The following ASL variants were observed in gnomAD, a reference collection of about 807,000 sequenced individuals.
The protein encoded by ASL is argininosuccinate lyase.
ASL carries 51 observed loss-of-function variants against 69.1 expected under a neutral mutation model. The ratio of observed to expected loss-of-function variants is 0.74; its 90% confidence interval spans 0.59 to 0.93. ASL has a LOEUF of 0.93. Ranked by LOEUF, ASL falls within the 40% of genes least tolerant of loss-of-function variation. The pLI is 0.00. For missense variants in ASL, 540 were observed against 623.9 expected, an observed-to-expected ratio of 0.87 and a Z score of 1.43; for synonymous variants, 241 against 247.6, an observed-to-expected ratio of 0.97 and a Z score of 0.25.
At position 66,076,075 on chromosome 7, in the gene ASL, G is replaced by A. The variant is rs756883050; in HGVS notation, c.-7G>A. 1 of 1,599,776 alleles carries A rather than the reference G, an allele frequency of 6.3e-7. No individual in the cohort carries two copies. Among genetic ancestry groups the A allele is most frequent in the Non-Finnish European group, 8.5e-7 (1 of 1,173,796 alleles). On this transcript the variant is annotated 5_prime_UTR_variant, in exon 2 of 17. Transcript: ENST00000304874. Reference sequence around the variant, plus strand: ...CGAAGCTTCCGGACGACGAGGAACCGCCCAACATGGCCTCGGAGGTGAGTG... The same window carrying A: ...CGAAGCTTCCGGACGACGAGGAACCACCCAACATGGCCTCGGAGGTGAGTG...
chr7:66,087,752 C>CT lies in ASL; in HGVS notation c.680dup (p.Asn228GlnfsTer7). On this transcript the variant is annotated frameshift_variant, in exon 10 of 17. Transcript: ENST00000304874. LOFTEE classifies it high-confidence loss of function. ...AGAACTCAACTTTGGGGCCATCACT[C>CT]TCAACAGCATGGATGCCACTAGTGA... 1 of 1,614,160 alleles carries CT rather than the reference C, an allele frequency of 6.2e-7. No individual in the cohort carries two copies. The highest frequency in any genetic ancestry group is 8.5e-7 in the Non-Finnish European group (1 of 1,180,028).
At chr7:66,082,056 C>T in intron 3 of ASL, 59 bp downstream of exon 3, 3 of 1,550,242 alleles carry the variant, frequency 1.9e-6, no homozygotes, top group Admixed American at 1.9e-5. Flanking sequence ...CAGGCTCCCA[C>T]CAAATCCCTG....
At chr7:66,084,012 A>G (rs1786587933) in intron 6 of ASL, among the ~76,000 whole-genome samples, 1 of 151,886 alleles carries the variant, frequency 6.6e-6, no homozygotes, top group Non-Finnish European at 1.5e-5. Context: ...CTCTTCCTCA[A>G]CTCCCTGTGA....
chr7:66,084,075 C>T (rs1237972138), intron 6 of ASL, among the ~76,000 whole-genome samples: 1 of 152,078 alleles, frequency 6.6e-6, no homozygotes, highest in East Asian at 1.9e-4. Flanking sequence ...TGTCACCCAG[C>T]AGGTGGTGTG....
intron 3 of ASL, 134 bp from the exon 4 acceptor site, chr7:66,082,234 C>T: frequency 9.1e-7 from 1 of 1,101,652 alleles, no homozygotes; most frequent in Non-Finnish European, 1.3e-6. Flanking sequence ...TGCCCCCTCC[C>T]AGGGTGCGCT....
At chr7:66,080,736 C>G (rs546998795) in intron 2 of ASL, among the ~76,000 whole-genome samples, 1 of 152,210 alleles carries the variant, frequency 6.6e-6, no homozygotes, top group African/African-American at 2.4e-5. Flanking sequence ...AGAAAACGAA[C>G]AAAACATAGA....
chr7:66,092,950 G>A lies in ASL; in HGVS notation c.*38G>A, dbSNP rs985737815. ...CTGCCCCCTAATAAAGTGGGCGCGA[G>A]AGGAGGCTGCTGTGTGTTTCCTGCC... On this transcript the variant is annotated 3_prime_UTR_variant, in exon 17 of 17. Coordinates refer to ENST00000304874, the MANE Select transcript of ASL (RefSeq NM_000048.4). The A allele has an allele frequency of 1.9e-6, 3 of 1,576,072 alleles. No individual in the cohort carries two copies. The highest frequency in any genetic ancestry group is 2.7e-5 in the African/African-American group (2 of 74,226).
rs1361092594 is a variant in ASL at position 66,091,083 on chromosome 7, G to T, written c.1063-923G>T. Among the ~76,000 whole-genome samples, 3 of 134,606 alleles carry T rather than the reference G, an allele frequency of 2.2e-5. No homozygotes were observed. In the Admixed American group the frequency reaches 2.5e-4, roughly 11 times the overall value. 88.3% of individuals were successfully genotyped at this position (134,606 alleles called of 152,430 possible). ...ACTGCGCTCCAGCCTGTGTGACAGT[G>T]CAAGACTCCATCTCAAAAAAAAAAA... On this transcript the variant is annotated intron_variant, in intron 14 of 16. Coordinates refer to ENST00000304874, the MANE Select transcript of ASL (RefSeq NM_000048.4).
Position 66,087,335 on chromosome 7 carries a change from G to T in ASL, c.604G>T (p.Gly202Trp), listed in dbSNP as rs1403973745. 6.2e-7 allele frequency: 1 copy of T among 1,604,634 alleles called. No homozygotes were observed. The change falls in exon 9 of 17, where the codon GGG (glycine) becomes TGG (tryptophan). Residue 202 changes from glycine to tryptophan, a missense_variant and splice_region_variant. By Grantham distance (184) the Gly-to-Trp change is radical. Transcript: ENST00000304874. ...CACCATGAATCCCTGTCCCTGCAGT[G>T]GGGCCATTGCAGGCAATCCCCTGGG... ...KRINVLPLGSGAIAGNPLGVD... is the reference protein window; with the variant it reads ...KRINVLPLGSWAIAGNPLGVD...
chr7:66,088,469 G>A (rs970473437), intron 10 of ASL, among the ~76,000 whole-genome samples: 3 of 152,114 alleles, frequency 2.0e-5, no homozygotes, highest in African/African-American at 4.8e-5. Flanking sequence ...CATTGGGAGC[G>A]AGACTCCATC....
At position 66,089,141 on chromosome 7, in the gene ASL, T is replaced by C. The variant is rs1369337876; in HGVS notation, c.884T>C (p.Leu295Pro). 1 of 1,613,916 alleles carries C rather than the reference T, an allele frequency of 6.2e-7. No homozygotes were observed. Among genetic ancestry groups the C allele is most frequent in the Non-Finnish European group, 8.5e-7 (1 of 1,179,936 alleles). ...PQKKNPDSLE[L>P]IRSKAGRVFG... The stretch of plus-strand genomic sequence containing the variant: ...AAGAAAAACCCCGACAGTTTGGAGC[T>C]GATCCGGAGCAAGGCTGGGCGTGTG... The change falls in exon 12 of 17, where the codon CTG becomes CCG. Residue 295 changes from leucine to proline, a missense_variant. Transcript: ENST00000304874.
At chr7:66,085,980 C>T (rs944247495) in intron 6 of ASL, among the ~76,000 whole-genome samples, 1 of 152,066 alleles carries the variant, frequency 6.6e-6, no homozygotes, top group Non-Finnish European at 1.5e-5. Context: ...CCCAGCTACT[C>T]AGGAGGCTGA....
intron 2 of ASL, among the ~76,000 whole-genome samples, chr7:66,078,967 T>C (rs1342691852): frequency 1.3e-5 from 2 of 152,128 alleles, no homozygotes; most frequent in Non-Finnish European, 2.9e-5. Flanking sequence ...TGGAGTGCAG[T>C]GGCACGATCT....
chr7:66,083,962 G>A (rs1786586757), intron 6 of ASL, among the ~76,000 whole-genome samples: 1 of 152,170 alleles, frequency 6.6e-6, no homozygotes, highest in African/African-American at 2.4e-5. Flanking sequence ...CCTGGACGAA[G>A]AGCTGCTGAG....
rs60055215 is a variant in ASL, at chr7:66,087,243, CGTGTGTGTGTGTGTGTGTGTGT to C, written c.603-72_603-51del. The C allele has an allele frequency of 1.7e-5, 17 of 976,822 alleles. No individual in the cohort carries two copies. In the Admixed American group the frequency reaches 1.9e-4, roughly 11 times the overall value. 60.5% of individuals were successfully genotyped at this position (976,822 alleles called of 1,614,324 possible). ...GGACTTGGTTCTCTGTGTGTGCGTT[CGTGTGTGTGTGTGTGTGTGTGT>C]GTGTGTGTGTGTGTGTGTCAGGGCT... On this transcript the variant is annotated intron_variant, in intron 8 of 16. Transcript: ENST00000304874.
In ASL at chr7:66,089,078, C is replaced by T. The variant is rs984259237; in HGVS notation, c.834-13C>T. 1.4e-5 allele frequency: 23 copies of T among 1,613,696 alleles called. No individual in the cohort carries two copies. The highest frequency in any genetic ancestry group is 1.9e-5 in the Non-Finnish European group (23 of 1,179,948). On this transcript the variant is annotated splice_polypyrimidine_tract_variant and intron_variant, in intron 11 of 16. Coordinates refer to ENST00000304874, the MANE Select transcript of ASL (RefSeq NM_000048.4). ...GGGTCCAGCCCCTTCAGCGCCAGCA[C>T]CTCTGTCCCCAGCACGGGAAGCAGC...
In ASL at chr7:66,092,099, C is replaced by A. The variant is rs202069416; in HGVS notation, c.1143+13C>A. On this transcript the variant is annotated intron_variant, in intron 15 of 16. Coordinates refer to ENST00000304874, the MANE Select transcript of ASL (RefSeq NM_000048.4). ...GGTCCGCAAAGGGGTAAGTGTGTAG[C>A]AGCCAGGGGGAGGGTGAGGAGATGG... The A allele has an allele frequency of 2.7e-5, 43 of 1,609,724 alleles. No individual in the cohort carries two copies. In the African/African-American group the frequency reaches 5.5e-4, roughly 20 times the overall value.
rs188383676 is a variant in ASL, at chr7:66,090,138, G to A, written c.1062+443G>A. ...CTGTAATCCCAGCTACTCAGGAGGC[G>A]GAGGCAGAAGAATAGCTTGAACCCA... On this transcript the variant is annotated intron_variant, in intron 14 of 16. Coordinates refer to ENST00000304874, the MANE Select transcript of ASL (RefSeq NM_000048.4). 5.4e-3 allele frequency among the ~76,000 whole-genome samples: 824 copies of A among 152,116 alleles called. 7 individuals carry two copies. The highest frequency in any genetic ancestry group is 8.1e-3 in the African/African-American group (336 of 41,524).
chr7:66,091,669 T>C, intron 14 of ASL: 1 of 356,556 alleles, frequency 2.8e-6, no homozygotes, highest in Non-Finnish European at 5.4e-6. Context: ...CAGAGGGCTA[T>C]AATGGCCACT....
Sources: allele counts gnomAD v4.1 joint callset (sites outside exome capture counted in the v4.1 genomes callset), GRCh38; gene constraint gnomAD v4.1.1; transcripts MANE v1.5; gene names NCBI Gene and HGNC (gene_info 2026-07-23, HGNC 2026-07-21).